TMEM156: variants seen among roughly 807,000 people sequenced by gnomAD.
The protein encoded by TMEM156 is transmembrane protein 156.
Under a neutral mutation model 30.5 loss-of-function variants are expected in TMEM156, and 28 were observed. That is an observed-to-expected ratio of 0.92 (90% confidence interval 0.68 to 1.26). TMEM156 has a LOEUF of 1.26. Ranked by LOEUF, TMEM156 falls within the 50% of genes most tolerant of loss-of-function variation. TMEM156 has a pLI of 0.00. For missense variants in TMEM156, 351 were observed against 340.6 expected, an observed-to-expected ratio of 1.03 and a Z score of -0.24; for synonymous variants, 137 against 119.9, an observed-to-expected ratio of 1.14 and a Z score of -0.93.
intron 5 of TMEM156, 86 bp from the exon 6 acceptor site, chr4:38,971,223 G>A (rs1192817558): frequency 6.3e-6 from 8 of 1,276,814 alleles, no homozygotes; most frequent in Admixed American, 5.6e-5. Flanking sequence ...AGAGTAGCAA[G>A]AGAAGCATGC....
intron 6 of TMEM156, among the ~76,000 whole-genome samples, chr4:38,969,105 T>C (rs570518156): frequency 6.6e-6 from 1 of 152,258 alleles, no homozygotes; most frequent in Non-Finnish European, 1.5e-5. Flanking sequence ...CCAAGTACAA[T>C]ACATTTTTGT....
chr4:38,988,425 T>C (rs928582297), intron 4 of TMEM156, among the ~76,000 whole-genome samples: 1 of 108,706 alleles, frequency 9.2e-6, no homozygotes, highest in Non-Finnish European at 2.1e-5. Flanking sequence ...GCTTTCACCA[T>C]GTTGGCCAGG....
At chr4:38,998,361 A>T (rs931375865) in intron 2 of TMEM156, 1 of 173,176 alleles carries the variant, frequency 5.8e-6, no homozygotes, top group Admixed American at 5.9e-5. Flanking sequence ...CTTGGCCAAG[A>T]TGGTGAAACC....
chr4:39,012,757 T>C (rs191346528), intron 1 of TMEM156, among the ~76,000 whole-genome samples: 2 of 152,074 alleles, frequency 1.3e-5, no homozygotes, highest in African/African-American at 4.8e-5. Context: ...CTGGCTGACA[T>C]GGTGAAACCC....
At chr4:38,972,099 A>G (rs1722625680) in intron 5 of TMEM156, among the ~76,000 whole-genome samples, 1 of 151,794 alleles carries the variant, frequency 6.6e-6, no homozygotes, top group South Asian at 2.1e-4. Flanking sequence ...GAGGTGACCT[A>G]CAATTTAAAG....
At chr4:38,990,786 A>AAGTT (rs1712365211) in intron 3 of TMEM156, among the ~76,000 whole-genome samples, 1 of 150,574 alleles carries the variant, frequency 6.6e-6, no homozygotes. Context: ...CCAAAGTACA[A>AAGTT]AGTTGGTTGT....
intron 5 of TMEM156, among the ~76,000 whole-genome samples, chr4:38,980,040 A>G (rs554849103): frequency 6.6e-6 from 1 of 152,322 alleles, no homozygotes; most frequent in East Asian, 1.9e-4. Flanking sequence ...GATTTCTGTT[A>G]TTCAAGGTGC....
rs1371814438 is a variant in TMEM156 at position 38,971,027 on chromosome 4, C to CTCACCGTGTATAT, written c.*30_*38+4dup. 8 of 1,549,806 alleles carry CTCACCGTGTATAT rather than the reference C, an allele frequency of 5.2e-6. No individual in the cohort carries two copies. Among genetic ancestry groups the CTCACCGTGTATAT allele is most frequent in the African/African-American group, 1.4e-5 (1 of 73,446 alleles). ...AGAAGTCGATAAAGCCGAATCATCACTCACCGTGTATATTGATCTCACTGA... is the reference window on the plus strand; with the variant it reads ...AGAAGTCGATAAAGCCGAATCATCACTCACCGTGTATATTCACCGTGTATATTGATCTCACTGA... On this transcript the variant is annotated splice_donor_region_variant and intron_variant, in intron 6 of 6. Coordinates refer to ENST00000381938, the MANE Select transcript of TMEM156 (RefSeq NM_024943.3).
At chr4:39,008,461 A>G (rs2110012692) in intron 1 of TMEM156, among the ~76,000 whole-genome samples, 1 of 152,276 alleles carries the variant, frequency 6.6e-6, no homozygotes, top group Admixed American at 6.5e-5. Context: ...CTCCAGTAAT[A>G]AATCTAATTT....
chr4:39,028,693 C>T (rs1715351508), intron 1 of TMEM156: 1 of 152,198 alleles, frequency 6.6e-6, no homozygotes, highest in Non-Finnish European at 1.5e-5. Context: ...CCAACAAAAA[C>T]AGGTTGGAAA....
At chr4:38,999,113 T>TATTTA (rs749018002) in intron 1 of TMEM156, among the ~76,000 whole-genome samples, 14 of 73,342 alleles carry the variant, frequency 1.9e-4, no homozygotes, top group South Asian at 1.1e-3. Flanking sequence ...TTTATTTATT[T>TATTTA]TTTTTTTTTT....
At chr4:38,971,439 T>G (rs112852345) in intron 5 of TMEM156, among the ~76,000 whole-genome samples, 19 of 152,348 alleles carry the variant, frequency 1.2e-4, no homozygotes, top group African/African-American at 4.3e-4. Context: ...GGAAACTGAC[T>G]GCAAACATTT....
At chr4:38,980,683 A>G (rs1469169549) in intron 5 of TMEM156, among the ~76,000 whole-genome samples, 1 of 152,180 alleles carries the variant, frequency 6.6e-6, no homozygotes, top group Non-Finnish European at 1.5e-5. Context: ...TAATAAGGAG[A>G]ATCGACCTAG....
At chr4:38,975,013 G>A (rs1011127537) in intron 5 of TMEM156, among the ~76,000 whole-genome samples, 1 of 151,986 alleles carries the variant, frequency 6.6e-6, no homozygotes, top group African/African-American at 2.4e-5. Flanking sequence ...CTGTTTAAGG[G>A]GCAGGAATAA....
intron 1 of TMEM156, among the ~76,000 whole-genome samples, chr4:39,023,051 TG>T (rs1714973814): frequency 6.6e-6 from 1 of 152,110 alleles, no homozygotes; most frequent in African/African-American, 2.4e-5. Context: ...GTGGGGTCTG[TG>T]GGAGGTAATT....
At chr4:39,010,762 T>G (rs796672043) in intron 1 of TMEM156, among the ~76,000 whole-genome samples, 4 of 152,072 alleles carry the variant, frequency 2.6e-5, no homozygotes, top group African/African-American at 9.6e-5. Context: ...AAAAATTAAC[T>G]AAAGGTAGAT....
Position 39,031,905 on chromosome 4 carries a change from A to AAAAAAAAC in TMEM156, c.88+320_88+321insGTTTTTTT, listed in dbSNP as rs60499521. Among the ~76,000 whole-genome samples, 40 of 129,246 alleles carry AAAAAAAAC rather than the reference A, an allele frequency of 3.1e-4. 1 individual carries two copies. The highest frequency in any genetic ancestry group is 4.9e-4 in the African/African-American group (17 of 34,480). 84.8% of individuals were successfully genotyped at this position (129,246 alleles called of 152,430 possible). On this transcript the variant is annotated intron_variant, in intron 1 of 6. Transcript: ENST00000381938. ...AAAAAAAAAAATAAAAAATAAAAAA[A>AAAAAAAAC]TAAAAAAAAACTGCTTTGAAGAAAG... is the stretch of plus-strand genomic sequence containing the variant.
intron 1 of TMEM156, among the ~76,000 whole-genome samples, chr4:39,022,087 A>G (rs187217607): frequency 5.5e-4 from 83 of 152,280 alleles, no homozygotes; most frequent in African/African-American, 1.9e-3. Context: ...TTTCCTCCAG[A>G]GAGGATTGGT....
intron 3 of TMEM156, among the ~76,000 whole-genome samples, chr4:38,991,440 C>CT (rs1456148790): frequency 1.3e-5 from 2 of 151,768 alleles, no homozygotes; most frequent in Non-Finnish European, 2.9e-5. Context: ...AAGCTAGTCT[C>CT]GAACTCCTGT....
Sources: allele counts gnomAD v4.1 joint callset (sites outside exome capture counted in the v4.1 genomes callset), GRCh38; gene constraint gnomAD v4.1.1; transcripts MANE v1.5; gene names NCBI Gene and HGNC (gene_info 2026-07-23, HGNC 2026-07-21).